Variants in FRMD5 observed in about 807,000 individuals in gnomAD.
The protein encoded by FRMD5 is FERM domain containing 5, also known as FERM domain-containing protein 5.
In FRMD5, 20 loss-of-function variants were observed where a neutral mutation model predicts 69.0. The ratio of observed to expected loss-of-function variants is 0.29; its 90% CI spans 0.20 to 0.42. The LOEUF is 0.42. Ranked by LOEUF, FRMD5 falls within the 10% of genes least tolerant of loss-of-function variation. The pLI is 1.00. For missense variants in FRMD5, 595 were observed against 708.6 expected (o/e 0.84, Z 1.82); for synonymous variants, 271 against 260.1 (o/e 1.04, Z -0.40).
chr15:44,002,139 C>T (rs1035273794), intron 1 of FRMD5, among the ~76,000 whole-genome samples: 6 of 152,138 alleles, frequency 3.9e-5, no homozygotes, highest in Non-Finnish European at 7.3e-5. Context: ...ATGTCCCAGG[C>T]CCATCTTACC....
At chr15:44,015,502 C>T (rs1890917525) in intron 1 of FRMD5, among the ~76,000 whole-genome samples, 1 of 152,088 alleles carries the variant, frequency 6.6e-6, no homozygotes, top group Non-Finnish European at 1.5e-5. Flanking sequence ...AATATATCTT[C>T]TTTTTTGACA....
chr15:43,896,805 A>G (rs1283476354), intron 7 of FRMD5, among the ~76,000 whole-genome samples: 3 of 152,224 alleles, frequency 2.0e-5, no homozygotes, highest in Admixed American at 2.0e-4. Context: ...TTCAATTTTG[A>G]TGAATGAAGC....
At chr15:44,163,036 T>C (rs2077648694) in intron 1 of FRMD5, among the ~76,000 whole-genome samples, 1 of 151,606 alleles carries the variant, frequency 6.6e-6, no homozygotes, top group South Asian at 2.1e-4. Flanking sequence ...TTAGCAGGCG[T>C]GGTGGCGGGC....
At chr15:44,094,179 T>G (rs2076517124) in intron 1 of FRMD5, among the ~76,000 whole-genome samples, 1 of 152,188 alleles carries the variant, frequency 6.6e-6, no homozygotes, top group South Asian at 2.1e-4. Flanking sequence ...CATGAGTTAC[T>G]CAGGTACTGC....
intron 7 of FRMD5, among the ~76,000 whole-genome samples, chr15:43,901,571 C>T (rs909510024): frequency 4.6e-5 from 7 of 152,186 alleles, no homozygotes; most frequent in Non-Finnish European, 7.3e-5. Context: ...GGGCCACAGC[C>T]ACAGAGAGAG....
intron 1 of FRMD5, among the ~76,000 whole-genome samples, chr15:44,112,502 T>A (rs997463129): frequency 6.6e-6 from 1 of 151,644 alleles, no homozygotes; most frequent in South Asian, 2.1e-4. Flanking sequence ...AGTCTCGCTC[T>A]GTTGCCCAGG....
intron 1 of FRMD5, among the ~76,000 whole-genome samples, chr15:44,027,358 A>C (rs142246726): frequency 4.4e-4 from 67 of 152,342 alleles, no homozygotes; most frequent in African/African-American, 1.5e-3. Context: ...AGAGGTTAGA[A>C]TATTTTCCAT....
intron 1 of FRMD5, among the ~76,000 whole-genome samples, chr15:44,162,561 C>T (rs2077633803): frequency 6.6e-6 from 1 of 151,952 alleles, no homozygotes. Flanking sequence ...ATTTAATGTT[C>T]TCTTTGTCTT....
In FRMD5 at chr15:44,138,528, G is replaced by A. The variant is rs1394891305; in HGVS notation, c.102+56425C>T. Among the ~76,000 whole-genome samples, 4 of 152,170 alleles carry A rather than the reference G, an allele frequency of 2.6e-5. No homozygotes were observed. In the East Asian group the frequency reaches 7.7e-4, roughly 29 times the overall value. On this transcript the variant is annotated intron_variant, in intron 1 of 13. Coordinates refer to ENST00000417257, the MANE Select transcript of FRMD5 (RefSeq NM_032892.5). ...AATGTTAGGAGAAAAGAACTCTCAA[G>A]CTAGGATTCCATGCCCAGCTAAGCC... is the stretch of plus-strand genomic sequence containing the variant.
chr15:44,177,842 G>A (rs2077926039), intron 1 of FRMD5, among the ~76,000 whole-genome samples: 1 of 152,162 alleles, frequency 6.6e-6, no homozygotes, highest in Admixed American at 6.5e-5. Context: ...TCAGGTTTGT[G>A]GCTGCCAGAA....
intron 1 of FRMD5, among the ~76,000 whole-genome samples, chr15:44,049,407 GT>G (rs1266650571): frequency 6.6e-6 from 1 of 152,074 alleles, no homozygotes; most frequent in East Asian, 1.9e-4. Flanking sequence ...AAAAAACAGA[GT>G]AACCCTAGTG....
chr15:43,885,258 G>T (rs1040617597), intron 11 of FRMD5, among the ~76,000 whole-genome samples: 1 of 151,884 alleles, frequency 6.6e-6, no homozygotes, highest in Non-Finnish European at 1.5e-5. Flanking sequence ...CTGCAGCCTC[G>T]ACCTCCTGAG....
At chr15:44,125,537 C>A (rs2706473) in intron 1 of FRMD5, among the ~76,000 whole-genome samples, 125,951 of 152,110 alleles carry the variant, frequency 0.83, 54,803 homozygotes, top group Non-Finnish European at 0.95. Flanking sequence ...TGCTTTACCT[C>A]AGGGCCTATG....
chr15:43,934,424 C>A (rs2089724869), intron 1 of FRMD5, among the ~76,000 whole-genome samples: 1 of 152,144 alleles, frequency 6.6e-6, no homozygotes, highest in Non-Finnish European at 1.5e-5. Flanking sequence ...CATCCCAGGT[C>A]CATCTTCTAA....
chr15:43,920,983 T>C (rs1243872698), intron 2 of FRMD5, among the ~76,000 whole-genome samples: 2 of 152,250 alleles, frequency 1.3e-5, no homozygotes, highest in African/African-American at 2.4e-5. Flanking sequence ...CCAGTTCTTC[T>C]GTCAGCTCCA....
At chr15:43,959,232 C>A (rs2090160366) in intron 1 of FRMD5, among the ~76,000 whole-genome samples, 1 of 152,174 alleles carries the variant, frequency 6.6e-6, no homozygotes, top group Non-Finnish European at 1.5e-5. Flanking sequence ...CAATTAATGA[C>A]AAGTACAATG....
intron 1 of FRMD5, among the ~76,000 whole-genome samples, chr15:43,930,342 G>A (rs1001540512): frequency 1.3e-5 from 2 of 152,232 alleles, no homozygotes; most frequent in African/African-American, 4.8e-5. Flanking sequence ...ACTCTCTTGA[G>A]TAGCAGGTCA....
intron 1 of FRMD5, among the ~76,000 whole-genome samples, chr15:44,163,637 A>G (rs1027441719): frequency 5.3e-5 from 8 of 152,312 alleles, no homozygotes; most frequent in African/African-American, 1.7e-4. Context: ...GTGCATACAG[A>G]TATTCTACCA....
At chr15:44,075,154 C>T (rs1286537722) in intron 1 of FRMD5, among the ~76,000 whole-genome samples, 2 of 152,100 alleles carry the variant, frequency 1.3e-5, no homozygotes, top group Non-Finnish European at 2.9e-5. Context: ...TTTAAAAAAT[C>T]ACATAGGCCT....
Sources: allele counts gnomAD v4.1 joint callset (sites outside exome capture counted in the v4.1 genomes callset), GRCh38; gene constraint gnomAD v4.1.1; transcripts MANE v1.5; gene names NCBI Gene and HGNC (gene_info 2026-07-23, HGNC 2026-07-21).